The following SYTL3 variants were observed in gnomAD, a reference collection of about 807,000 sequenced individuals.
SYTL3 encodes synaptotagmin-like protein 3.
SYTL3 carries 88 observed loss-of-function variants against 82.1 expected under a neutral mutation model. The ratio of observed to expected loss-of-function variants is 1.07; its 90% CI spans 0.90 to 1.28. The LOEUF (loss-of-function observed/expected upper bound fraction) is 1.28, where lower values mean the gene tolerates loss of function less well. Ranked by LOEUF, SYTL3 falls within the 50% of genes most tolerant of loss-of-function variation. The pLI, the probability that SYTL3 is intolerant of heterozygous loss-of-function variation, is 0.00. For missense variants in SYTL3, 831 were observed against 757.6 expected, an observed-to-expected ratio of 1.10 and a Z score of -1.14; for synonymous variants, 311 against 289.4, an observed-to-expected ratio of 1.07 and a Z score of -0.76.
intron 6 of SYTL3, among the ~76,000 whole-genome samples, chr6:158,691,387 A>T (rs1246049429): frequency 6.6e-6 from 1 of 152,060 alleles, no homozygotes; most frequent in Non-Finnish European, 1.5e-5. Flanking sequence ...TTCCCCAAGT[A>T]ACTTTTTTAA....
chr6:158,721,711 C>A (rs932704809), intron 10 of SYTL3, among the ~76,000 whole-genome samples: 2 of 152,094 alleles, frequency 1.3e-5, no homozygotes, highest in African/African-American at 4.8e-5. Context: ...TGGCTCACTG[C>A]AACCTCTCCC....
intron 2 of SYTL3, among the ~76,000 whole-genome samples, chr6:158,654,679 G>A (rs1327876509): frequency 1.3e-5 from 2 of 152,194 alleles, no homozygotes; most frequent in African/African-American, 4.8e-5. Context: ...AAGCAGGGAT[G>A]GCTCCATGTC....
intron 8 of SYTL3, among the ~76,000 whole-genome samples, chr6:158,713,333 C>A (rs774726961): frequency 6.6e-6 from 1 of 151,980 alleles, no homozygotes; most frequent in Non-Finnish European, 1.5e-5. Flanking sequence ...GGAAGTGGAG[C>A]CCCTCAGCTC....
At chr6:158,753,907 T>A (rs1246964485) in intron 13 of SYTL3, among the ~76,000 whole-genome samples, 9 of 151,802 alleles carry the variant, frequency 5.9e-5, no homozygotes, top group African/African-American at 1.9e-4. Context: ...AATCGGCATC[T>A]CTAATTGATC....
At chr6:158,748,183 A>T (rs531561360) in intron 12 of SYTL3, among the ~76,000 whole-genome samples, 2 of 150,938 alleles carry the variant, frequency 1.3e-5, no homozygotes, top group African/African-American at 2.4e-5. Flanking sequence ...TTTTTCTTAC[A>T]TGGGGAACTT....
At chr6:158,666,752 G>A (rs1790106203) in intron 5 of SYTL3, among the ~76,000 whole-genome samples, 1 of 152,162 alleles carries the variant, frequency 6.6e-6, no homozygotes, top group African/African-American at 2.4e-5. Flanking sequence ...TGTGTTTAAC[G>A]CACGCCCTGG....
At chr6:158,683,904 A>C (rs1371920987) in intron 6 of SYTL3, among the ~76,000 whole-genome samples, 1 of 152,220 alleles carries the variant, frequency 6.6e-6, no homozygotes, top group Admixed American at 6.5e-5. Flanking sequence ...TGAATGTCTT[A>C]TAATGAGATG....
Position 158,725,657 on chromosome 6 carries a change from TC to T in SYTL3, c.855+21del. The T allele has an allele frequency of 6.3e-7, 1 of 1,594,528 alleles. No individual in the cohort carries two copies. Among genetic ancestry groups the T allele is most frequent in the Non-Finnish European group, 8.5e-7 (1 of 1,171,956 alleles). The stretch of plus-strand genomic sequence containing the variant: ...AGACACGTGAGTCTCATTCCAATGC[TC>T]TTTTTTTGTTTTTTTGTTTTTTGTT... On this transcript the variant is annotated intron_variant, in intron 11 of 17. Coordinates refer to ENST00000611299, the MANE Select transcript of SYTL3 (RefSeq NM_001242394.2).
intron 11 of SYTL3, among the ~76,000 whole-genome samples, chr6:158,743,461 A>G (rs1787189904): frequency 6.7e-6 from 1 of 150,096 alleles, no homozygotes; most frequent in Non-Finnish European, 1.5e-5. Flanking sequence ...CAAATGCTGT[A>G]TGATTCATTA....
At chr6:158,710,704 T>G (rs1019270596) in intron 8 of SYTL3, among the ~76,000 whole-genome samples, 7 of 152,148 alleles carry the variant, frequency 4.6e-5, no homozygotes, top group African/African-American at 1.7e-4. Context: ...TTTTTGCCTG[T>G]GTTTTTACTT....
chr6:158,717,997 CTG>C lies in SYTL3; in HGVS notation c.596-87_596-86del, dbSNP rs1189307035. ...CTCTTAAGACCTTGGGACCCACTGTCTGTGGGTTCAGTGAACCCCAGAAGAGG... is the reference window on the plus strand; with the variant it reads ...CTCTTAAGACCTTGGGACCCACTGTCTGGGTTCAGTGAACCCCAGAAGAGG... On this transcript the variant is annotated intron_variant, in intron 9 of 17. Coordinates refer to ENST00000611299, the MANE Select transcript of SYTL3 (RefSeq NM_001242394.2). 4 of 1,298,762 alleles carry C rather than the reference CTG, an allele frequency of 3.1e-6. No homozygotes were observed. The African/African-American group carries it at 6.1e-5, about 20-fold the overall frequency. 80.5% of individuals were successfully genotyped at this position (1,298,762 alleles called of 1,614,324 possible).
At position 158,676,562 on chromosome 6, in the gene SYTL3, A is replaced by C. The variant is rs1227642675; in HGVS notation, c.330-6363A>C. ...AAGCCAAAATTGACAAATGGGATCT[A>C]ATTAAACTAAAGAGCTTCTGCACAG... On this transcript the variant is annotated intron_variant, in intron 5 of 17. Coordinates refer to ENST00000611299, the MANE Select transcript of SYTL3 (RefSeq NM_001242394.2). Among the ~76,000 whole-genome samples, 15 of 152,100 alleles carry C rather than the reference A, an allele frequency of 9.9e-5. No homozygotes were observed. The South Asian group carries it at 2.9e-3, about 30-fold the overall frequency.
intron 15 of SYTL3, among the ~76,000 whole-genome samples, chr6:158,761,550 C>T (rs548953355): frequency 1.1e-4 from 17 of 152,152 alleles, no homozygotes; most frequent in African/African-American, 2.6e-4. Flanking sequence ...CCTCATGATC[C>T]GCCCACCTTG....
intron 10 of SYTL3, among the ~76,000 whole-genome samples, chr6:158,718,960 G>A (rs1356620395): frequency 1.3e-5 from 2 of 152,166 alleles, no homozygotes; most frequent in Admixed American, 6.5e-5. Context: ...TCCTTTAGGC[G>A]AGGGTGTGAG....
At chr6:158,729,578 T>G in intron 11 of SYTL3, among the ~76,000 whole-genome samples, 1 of 150,562 alleles carries the variant, frequency 6.6e-6, no homozygotes, top group Admixed American at 6.6e-5. Context: ...TTTTTTTTTT[T>G]TTTTTTGAGA....
At chr6:158,753,645 G>A (rs1788685232) in intron 13 of SYTL3, among the ~76,000 whole-genome samples, 1 of 151,242 alleles carries the variant, frequency 6.6e-6, no homozygotes, top group South Asian at 2.1e-4. Flanking sequence ...CAGGAGAATG[G>A]CGTGAACCCG....
In SYTL3 at chr6:158,718,200, GT is replaced by G; in HGVS notation, c.710del (p.Val237AlafsTer12). 2 of 1,535,766 alleles carry G rather than the reference GT, an allele frequency of 1.3e-6. No individual in the cohort carries two copies. Among genetic ancestry groups the G allele is most frequent in the Middle Eastern group, 3.4e-4 (2 of 5,910 alleles). ...RRSQSDTAVN[V>X]TTRKVSAPDI... ...GAGCCAGTCTGACACTGCGGTCAAC[GT>G]CACCACCAGGGTACCCTGAGCCCCA... On this transcript the variant is annotated frameshift_variant, in exon 10 of 18. Coordinates refer to ENST00000611299, the MANE Select transcript of SYTL3 (RefSeq NM_001242394.2). LOFTEE classifies it high-confidence loss of function.
At chr6:158,716,267 G>A (rs1783414952) in intron 9 of SYTL3, among the ~76,000 whole-genome samples, 1 of 152,154 alleles carries the variant, frequency 6.6e-6, no homozygotes, top group Non-Finnish European at 1.5e-5. Context: ...TAATAATACT[G>A]ACCTATAAGC....
At chr6:158,737,164 C>T (rs989172096) in intron 11 of SYTL3, among the ~76,000 whole-genome samples, 1 of 152,016 alleles carries the variant, frequency 6.6e-6, no homozygotes, top group Admixed American at 6.6e-5. Context: ...GGTTCTAAGT[C>T]TTTTTCCGTG....
Sources: gnomAD v4.1 joint callset for allele counts (sites outside exome capture counted in the v4.1 genomes callset) on GRCh38, gnomAD v4.1.1 for gene constraint, MANE v1.5 for transcripts, NCBI Gene and HGNC (gene_info 2026-07-23, HGNC 2026-07-21) for gene names.